Variants in CDH13 observed in about 807,000 individuals in gnomAD.
The protein encoded by CDH13 is cadherin 13, also known as cadherin-13.
A neutral mutation model predicts 63.8 loss-of-function variants in CDH13; 24 were observed. The ratio of observed to expected loss-of-function variants is 0.38; its 90% CI spans 0.27 to 0.53. The LOEUF (loss-of-function observed/expected upper bound fraction) is 0.53. Among genes scored for constraint, CDH13 ranks in the 20% least tolerant of loss-of-function variants. The probability of loss-of-function intolerance (pLI) is 0.85; values close to 1 mark genes in which losing one functional copy is unlikely to be tolerated. For synonymous variants in CDH13, 503 were observed against 355.3 expected (o/e 1.42, Z -4.67); for missense variants, 1,049 against 903.1 (o/e 1.16, Z -2.07).
chr16:82,854,592 G>A (rs769801462), intron 1 of CDH13, among the ~76,000 whole-genome samples: 6 of 152,138 alleles, frequency 3.9e-5, no homozygotes, highest in Non-Finnish European at 7.3e-5. Flanking sequence ...AATAATTCAC[G>A]TGTAAGCGAA....
At chr16:82,743,372 C>T (rs529586343) in intron 1 of CDH13, among the ~76,000 whole-genome samples, 2 of 152,154 alleles carry the variant, frequency 1.3e-5, no homozygotes, top group African/African-American at 4.8e-5. Flanking sequence ...GGCCTACAGG[C>T]GCAGACCACG....
chr16:82,744,155 C>T (rs1293778670), intron 1 of CDH13, among the ~76,000 whole-genome samples: 1 of 152,156 alleles, frequency 6.6e-6, no homozygotes, highest in Non-Finnish European at 1.5e-5. Flanking sequence ...GTTCAGTTGA[C>T]AGAGATAGGA....
At chr16:82,665,890 A>T (rs550251707) in intron 1 of CDH13, among the ~76,000 whole-genome samples, 1 of 152,156 alleles carries the variant, frequency 6.6e-6, no homozygotes, top group Non-Finnish European at 1.5e-5. Flanking sequence ...TGTCTCATAT[A>T]AGAGTATTGT....
chr16:83,373,662 A>G (rs1396203940), intron 6 of CDH13, among the ~76,000 whole-genome samples: 1 of 152,206 alleles, frequency 6.6e-6, no homozygotes, highest in Non-Finnish European at 1.5e-5. Context: ...TTTGTGGATT[A>G]AAGATATAAC....
At chr16:83,451,417 C>T (rs2072883917) in intron 6 of CDH13, among the ~76,000 whole-genome samples, 1 of 152,182 alleles carries the variant, frequency 6.6e-6, no homozygotes, top group Non-Finnish European at 1.5e-5. Context: ...GATTTAGTTA[C>T]CTCCCACCAG....
intron 7 of CDH13, among the ~76,000 whole-genome samples, chr16:83,525,047 A>T (rs143635201): frequency 6.6e-6 from 1 of 152,184 alleles, no homozygotes; most frequent in East Asian, 1.9e-4. Context: ...AGGAGAAGTT[A>T]TTGGTCTGAT....
chr16:83,031,293 G>A (rs537581463), intron 2 of CDH13, among the ~76,000 whole-genome samples: 2 of 142,732 alleles, frequency 1.4e-5, no homozygotes, highest in South Asian at 2.2e-4. Flanking sequence ...ATATACATGC[G>A]CATGTATCCA....
rs1293033903 is a variant in CDH13, at chr16:83,796,874, C to T, written c.*1844C>T. On this transcript the variant is annotated 3_prime_UTR_variant, in exon 14 of 14. Transcript: ENST00000567109. ...ACGGACCATTCTCAGTTGATGACCA[C>T]ATTAAGCATAGTCATGGCCATCTGT... 2 of 152,328 alleles carry T rather than the reference C, an allele frequency of 1.3e-5. No homozygotes were observed. The highest frequency in any genetic ancestry group is 1.3e-4 in the Admixed American group (2 of 15,306). The allele number at this position is 152,328 out of a possible 1,614,324, so 9.4% of individuals were successfully genotyped here.
chr16:83,427,400 C>T (rs915621636), intron 6 of CDH13, among the ~76,000 whole-genome samples: 4 of 151,922 alleles, frequency 2.6e-5, no homozygotes, highest in African/African-American at 9.7e-5. Flanking sequence ...GTGATGCAGC[C>T]CTGAGCCAAG....
intron 4 of CDH13, among the ~76,000 whole-genome samples, chr16:83,138,309 C>T (rs193181518): frequency 7.9e-5 from 12 of 152,174 alleles, no homozygotes; most frequent in Non-Finnish European, 1.6e-4. Context: ...GAGAAGAATG[C>T]CCGTCCTAGG....
intron 8 of CDH13, chr16:83,654,915 C>G (rs1156833217): frequency 6.6e-6 from 1 of 152,334 alleles, no homozygotes; most frequent in African/African-American, 2.4e-5. Flanking sequence ...GCGGGCTGCT[C>G]CCTGGGGCAC....
chr16:83,661,219 G>A (rs1235345159), intron 8 of CDH13, among the ~76,000 whole-genome samples: 1 of 152,202 alleles, frequency 6.6e-6, no homozygotes, highest in South Asian at 2.1e-4. Flanking sequence ...GGACTCAGTG[G>A]CTCACACCTA....
chr16:82,747,902 GT>G (rs2034249401), intron 1 of CDH13, among the ~76,000 whole-genome samples: 1 of 152,158 alleles, frequency 6.6e-6, no homozygotes, highest in African/African-American at 2.4e-5. Flanking sequence ...AAAGGCATTT[GT>G]TTACATCCAG....
At chr16:82,711,721 C>G (rs2031962035) in intron 1 of CDH13, among the ~76,000 whole-genome samples, 1 of 152,192 alleles carries the variant, frequency 6.6e-6, no homozygotes, top group African/African-American at 2.4e-5. Context: ...TGTTTTGCTG[C>G]TGCTGAAACA....
intron 5 of CDH13, among the ~76,000 whole-genome samples, chr16:83,239,864 T>C (rs909644447): frequency 2.0e-5 from 3 of 152,070 alleles, no homozygotes; most frequent in Non-Finnish European, 4.4e-5. Flanking sequence ...GGGGAATTTG[T>C]GGGGGGCAGG....
intron 3 of CDH13, among the ~76,000 whole-genome samples, chr16:83,086,818 T>A (rs917674462): frequency 6.6e-6 from 1 of 152,110 alleles, no homozygotes; most frequent in African/African-American, 2.4e-5. Flanking sequence ...GATAGGAAAT[T>A]GGCTAAAAGA....
intron 1 of CDH13, among the ~76,000 whole-genome samples, chr16:82,711,603 C>T (rs7204573): frequency 0.035 from 5,279 of 152,318 alleles, 180 homozygotes; most frequent in African/African-American, 0.087. Context: ...GACAAAGACA[C>T]TGAGATCCAG....
intron 2 of CDH13, among the ~76,000 whole-genome samples, chr16:82,961,057 C>G (rs9889181): frequency 0.83 from 126,505 of 152,182 alleles, 53,204 homozygotes; most frequent in African/African-American, 0.96. Context: ...CGTTTTTATG[C>G]ATCTGTCGAT....
At chr16:82,878,010 A>G (rs928696704) in intron 2 of CDH13, among the ~76,000 whole-genome samples, 1 of 151,962 alleles carries the variant, frequency 6.6e-6, no homozygotes, top group Non-Finnish European at 1.5e-5. Flanking sequence ...TCATTCTGCT[A>G]AACTAATCGA....
Sources: gnomAD v4.1 joint callset for allele counts (sites outside exome capture counted in the v4.1 genomes callset) on GRCh38, gnomAD v4.1.1 for gene constraint, MANE v1.5 for transcripts, NCBI Gene and HGNC (gene_info 2026-07-23, HGNC 2026-07-21) for gene names.